TMEM132C: variants seen among roughly 807,000 people sequenced by gnomAD.
TMEM132C encodes the protein protein phosphatase 1, regulatory subunit 152.
In TMEM132C, 29 loss-of-function variants were observed where a neutral mutation model predicts 61.4. The observed-to-expected ratio is 0.47, with a 90% CI of 0.35 to 0.64. The LOEUF is 0.64. Among genes scored for constraint, TMEM132C ranks in the 30% least tolerant of loss-of-function variants. TMEM132C has a pLI of 0.00. For synonymous variants in TMEM132C, 656 were observed against 633.1 expected, an observed-to-expected ratio of 1.04 and a Z score of -0.54; for missense variants, 1,408 against 1,476.9, an observed-to-expected ratio of 0.95 and a Z score of 0.76.
At chr12:128,541,341 T>C (rs996622861) in intron 2 of TMEM132C, among the ~76,000 whole-genome samples, 1 of 152,174 alleles carries the variant, frequency 6.6e-6, no homozygotes, top group Non-Finnish European at 1.5e-5. Flanking sequence ...TTGGGGCTTT[T>C]AGGAGTCTTT....
chr12:128,598,438 AG>A (rs1277713296), intron 3 of TMEM132C, among the ~76,000 whole-genome samples: 2 of 152,060 alleles, frequency 1.3e-5, no homozygotes, highest in African/African-American at 4.8e-5. Context: ...ATGGTCTCAA[AG>A]AAAAAAAAAG....
At chr12:128,505,812 C>T (rs1053665554) in intron 2 of TMEM132C, among the ~76,000 whole-genome samples, 1 of 152,176 alleles carries the variant, frequency 6.6e-6, no homozygotes, top group Non-Finnish European at 1.5e-5. Flanking sequence ...CACAAAGACT[C>T]ATCTCAGGGC....
intron 1 of TMEM132C, among the ~76,000 whole-genome samples, chr12:128,371,637 A>G (rs1283686390): frequency 2.0e-5 from 3 of 152,220 alleles, no homozygotes; most frequent in African/African-American, 2.4e-5. Context: ...CAGTGGCACA[A>G]TCGCAGCTCA....
chr12:128,342,975 G>A (rs1443167672), intron 1 of TMEM132C, among the ~76,000 whole-genome samples: 6 of 152,286 alleles, frequency 3.9e-5, no homozygotes, highest in South Asian at 2.1e-4. Flanking sequence ...TCCTTTGATC[G>A]TGCAAAGTAA....
At chr12:128,606,868 T>A (rs757779581) in intron 3 of TMEM132C, among the ~76,000 whole-genome samples, 11 of 152,220 alleles carry the variant, frequency 7.2e-5, no homozygotes, top group Non-Finnish European at 1.5e-4. Flanking sequence ...CTAGAATTTT[T>A]AAAATGCATT....
At position 128,420,064 on chromosome 12, in the gene TMEM132C, C is replaced by T. The variant is rs565496740; in HGVS notation, c.974+4444C>T. ...AAAAAAAAATAGCTGGGCATGATGG[C>T]GGGCACAGGTAATCCCAGCTACTTG... On this transcript the variant is annotated intron_variant, in intron 2 of 8. Coordinates refer to ENST00000435159, the MANE Select transcript of TMEM132C (RefSeq NM_001136103.3). 2.3e-3 allele frequency among the ~76,000 whole-genome samples: 353 copies of T among 152,054 alleles called. 3 individuals carry two copies. Among genetic ancestry groups the T allele is most frequent in the African/African-American group, 8.2e-3 (339 of 41,470 alleles).
intron 1 of TMEM132C, among the ~76,000 whole-genome samples, chr12:128,296,276 A>G (rs1318023795): frequency 6.6e-6 from 1 of 152,172 alleles, no homozygotes; most frequent in Non-Finnish European, 1.5e-5. Context: ...TCTGCCTTAA[A>G]TGGTAAGGAA....
chr12:128,610,131 G>T (rs1315799458), intron 3 of TMEM132C, among the ~76,000 whole-genome samples: 1 of 152,248 alleles, frequency 6.6e-6, no homozygotes, highest in Non-Finnish European at 1.5e-5. Context: ...GCCCTTTCCA[G>T]TGAGGAAGCA....
intron 1 of TMEM132C, among the ~76,000 whole-genome samples, chr12:128,300,273 G>T (rs1299861691): frequency 3.9e-5 from 6 of 152,092 alleles, no homozygotes; most frequent in Non-Finnish European, 1.5e-5. Flanking sequence ...CTTCCTCCTG[G>T]GGTTATTGCT....
intron 1 of TMEM132C, among the ~76,000 whole-genome samples, chr12:128,280,317 C>G (rs141713089): frequency 6.6e-6 from 1 of 152,072 alleles, no homozygotes; most frequent in African/African-American, 2.4e-5. Flanking sequence ...TTCAAGTCGC[C>G]GACTTTATTT....
Position 128,706,215 on chromosome 12 carries a change from A to G in TMEM132C, c.3247A>G (p.Lys1083Glu). ...CGTCAGCAGCAATGATGAGGACATC[A>G]AATGGGTGTGTCAAGACGTGGCTGT... The part of the protein sequence containing the change: ...SIVSSNDEDI[K>E]WVCQDVAVGA... Residue 1083 changes from lysine (K) to glutamate (E), a missense_variant, in exon 9 of 9, where the codon AAA becomes GAA. By Grantham distance (56) the Lys-to-Glu change is moderately conservative. Transcript: ENST00000435159. 1 of 1,551,828 alleles carries G rather than the reference A, an allele frequency of 6.4e-7. No homozygotes were observed. The highest frequency in any genetic ancestry group is 8.7e-7 in the Non-Finnish European group (1 of 1,147,034).
intron 1 of TMEM132C, among the ~76,000 whole-genome samples, chr12:128,311,528 C>T (rs115998762): frequency 5.3e-5 from 8 of 152,282 alleles, no homozygotes; most frequent in Non-Finnish European, 8.8e-5. Context: ...GGTAAAAGTC[C>T]GAAAATGTTG....
intron 1 of TMEM132C, among the ~76,000 whole-genome samples, chr12:128,393,781 C>G (rs1295499594): frequency 1.3e-5 from 2 of 152,166 alleles, no homozygotes; most frequent in Non-Finnish European, 2.9e-5. Context: ...AGCATCAGAT[C>G]AGCATTGCAA....
chr12:128,531,497 C>T (rs975391928), intron 2 of TMEM132C, among the ~76,000 whole-genome samples: 11 of 152,246 alleles, frequency 7.2e-5, no homozygotes. Flanking sequence ...GGGAGTTCTA[C>T]AGGCAGGGAA....
chr12:128,618,000 A>G (rs2135585094), intron 4 of TMEM132C, among the ~76,000 whole-genome samples: 1 of 152,338 alleles, frequency 6.6e-6, no homozygotes, highest in Admixed American at 6.5e-5. Flanking sequence ...ACATTTTTAA[A>G]TATCTACATT....
chr12:128,576,985 G>A (rs1023154319), intron 3 of TMEM132C, among the ~76,000 whole-genome samples: 10 of 152,072 alleles, frequency 6.6e-5, no homozygotes, highest in Non-Finnish European at 1.3e-4. Context: ...GGTTTTTAGT[G>A]TATTTACATA....
intron 1 of TMEM132C, among the ~76,000 whole-genome samples, chr12:128,283,279 C>G (rs1348246491): frequency 6.6e-6 from 1 of 152,180 alleles, no homozygotes; most frequent in Non-Finnish European, 1.5e-5. Flanking sequence ...CACTGCCCTA[C>G]TTTCTGGATG....
Position 128,693,984 on chromosome 12 carries a change from G to A in TMEM132C, c.1605G>A (p.Thr535=), listed in dbSNP as rs981312104. The A allele has an allele frequency of 7.7e-6, 12 of 1,551,630 alleles. No homozygotes were observed. Among genetic ancestry groups the A allele is most frequent in the Middle Eastern group, 3.3e-4 (2 of 6,014 alleles). The change falls in exon 6 of 9, where the codon ACG becomes ACA. Residue 535 remains threonine, a synonymous_variant. Transcript: ENST00000435159. ...RLPLQIEVSD[T]ELSQIKGWRV... The stretch of plus-strand genomic sequence containing the variant: ...CCCTGCAGATCGAGGTCTCTGACAC[G>A]GAGCTCAGCCAGATAAAGGGCTGGA...
At chr12:128,503,433 C>T (rs1872247663) in intron 2 of TMEM132C, among the ~76,000 whole-genome samples, 1 of 152,218 alleles carries the variant, frequency 6.6e-6, no homozygotes, top group Non-Finnish European at 1.5e-5. Flanking sequence ...CGCTGTTTTT[C>T]TTCCAGTGGA....
Sources: gnomAD v4.1 joint callset for allele counts (sites outside exome capture counted in the v4.1 genomes callset) on GRCh38, gnomAD v4.1.1 for gene constraint, MANE v1.5 for transcripts, NCBI Gene and HGNC (gene_info 2026-07-23, HGNC 2026-07-21) for gene names.